Variants in CTPS1 observed in about 807,000 individuals in gnomAD.
The protein encoded by CTPS1 is CTP synthase 1, also known as CTP synthetase 1.
Under a neutral mutation model 80.5 loss-of-function variants are expected in CTPS1, and 25 were observed. That is an observed-to-expected ratio of 0.31 (90% CI 0.23 to 0.43). CTPS1 has a LOEUF of 0.43. CTPS1 is among the 20% of genes least tolerant of loss of function. The pLI is 1.00. For synonymous variants in CTPS1, 267 were observed against 252.5 expected, an observed-to-expected ratio of 1.06 and a Z score of -0.54; for missense variants, 442 against 725.7, an observed-to-expected ratio of 0.61 and a Z score of 4.49.
Position 40,995,963 on chromosome 1 carries a change from T to C in CTPS1, c.767T>C (p.Leu256Ser). 1 of 1,614,186 alleles carries C rather than the reference T, an allele frequency of 6.2e-7. No homozygotes were observed. The change falls in exon 8 of 19, where the codon TTG becomes TCG. Residue 256 changes from leucine to serine, a missense_variant. By Grantham distance (145) the Leu-to-Ser change is moderately radical. Around this residue, in one of 4 missense-constraint regions of CTPS1, gnomAD observed 321 missense variants for 467.2 expected, o/e 0.69. Transcript: ENST00000650070. ...TCATCCATCTACCGAGTCCCCTTGT[T>C]GTTAGAGGAGCAAGGGGTTGTAGAT... ...DVSSIYRVPL[L>S]LEEQGVVDYF...
intron 5 of CTPS1, among the ~76,000 whole-genome samples, chr1:40,989,960 C>T (rs1311404257): frequency 6.6e-6 from 1 of 152,092 alleles, no homozygotes; most frequent in African/African-American, 2.4e-5. Context: ...AGGACTGGCT[C>T]AGAAGTTCTA....
chr1:41,009,352 C>A, intron 16 of CTPS1, 93 bp from the exon 17 acceptor site: 1 of 1,246,794 alleles, frequency 8.0e-7, no homozygotes, highest in Non-Finnish European at 1.1e-6. Context: ...TATTTTAGGG[C>A]CTATGGAAAC....
At chr1:40,989,242 G>A (rs1385144503) in intron 5 of CTPS1, among the ~76,000 whole-genome samples, 3 of 152,332 alleles carry the variant, frequency 2.0e-5, no homozygotes, top group South Asian at 2.1e-4. Context: ...ACAGTTGGGC[G>A]TTAGCCTCCT....
At chr1:40,982,905 C>G (rs765957398) in intron 1 of CTPS1, among the ~76,000 whole-genome samples, 4 of 152,182 alleles carry the variant, frequency 2.6e-5, no homozygotes, top group African/African-American at 9.7e-5. Context: ...TAATGAGGCA[C>G]CTGCCTGGTA....
chr1:40,987,408 T>C lies in CTPS1; in HGVS notation c.374T>C (p.Val125Ala). ...PHITDAIQEW[V>A]MRQALIPVDE... The stretch of plus-strand genomic sequence containing the variant: ...ATCACAGATGCAATCCAGGAGTGGG[T>C]GATGAGACAGGCGTTAATACCTGTA... The change falls in exon 4 of 19, where the codon GTG becomes GCG. Residue 125 changes from valine to alanine, a missense_variant. Coordinates refer to ENST00000650070, the MANE Select transcript of CTPS1 (RefSeq NM_001905.4). 1 of 1,614,076 alleles carries C rather than the reference T, an allele frequency of 6.2e-7. No individual in the cohort carries two copies. Among genetic ancestry groups the C allele is most frequent in the Non-Finnish European group, 8.5e-7 (1 of 1,179,956 alleles).
At chr1:40,983,697 G>C (rs1477210418) in intron 2 of CTPS1, among the ~76,000 whole-genome samples, 1 of 149,496 alleles carries the variant, frequency 6.7e-6, no homozygotes, top group Non-Finnish European at 1.5e-5. Flanking sequence ...ATCATGGCTC[G>C]CTGCAGCTTC....
intron 3 of CTPS1, 44 bp from the exon 4 acceptor site, chr1:40,987,328 T>C: frequency 7.2e-7 from 1 of 1,397,730 alleles, no homozygotes; most frequent in Middle Eastern, 1.8e-4. Flanking sequence ...TCAATCAATG[T>C]AGATGGACAA....
At chr1:41,003,333 AG>A (rs1223212508) in intron 12 of CTPS1, among the ~76,000 whole-genome samples, 157 bp downstream of exon 12, 1 of 152,118 alleles carries the variant, frequency 6.6e-6, no homozygotes, top group Non-Finnish European at 1.5e-5. Flanking sequence ...TTGCCTCTTG[AG>A]GAACAGCACG....
chr1:40,981,987 A>G (rs764871191), intron 1 of CTPS1: 2 of 1,288,908 alleles, frequency 1.6e-6, no homozygotes, highest in Non-Finnish European at 2.0e-6. Flanking sequence ...TGTCCTGACC[A>G]TGCCAAAGTA....
At chr1:40,995,869 C>T (rs933145483) in intron 7 of CTPS1, 48 bp from the exon 8 acceptor site, 1 of 1,588,832 alleles carries the variant, frequency 6.3e-7, no homozygotes, top group African/African-American at 1.4e-5. Flanking sequence ...AGGCTGTAAG[C>T]CTGGTGAGTT....
In CTPS1 at chr1:41,007,812, T is replaced by G. The variant is rs1643072853; in HGVS notation, c.1393+267T>G. Among the ~76,000 whole-genome samples the G allele has an allele frequency of 6.6e-6, 1 of 152,198 alleles. No individual in the cohort carries two copies. ...ACAGAATGAGGCAGTGAGGTTACAT[T>G]CATCCTTATCGGTTACTTTCCTATT... On this transcript the variant is annotated intron_variant, in intron 14 of 18. Transcript: ENST00000650070. The surrounding 1 kb of genome is among the most constrained non-coding windows in gnomAD (Gnocchi z 4.4).
intron 10 of CTPS1, 32 bp from the exon 11 acceptor site, chr1:41,002,128 G>T: frequency 6.3e-7 from 1 of 1,599,462 alleles, no homozygotes; most frequent in Non-Finnish European, 8.6e-7. Context: ...TAGAAAAGGG[G>T]AATTGCCTTT....
Position 40,983,471 on chromosome 1 carries a change from T to C in CTPS1, c.166+15T>C, listed in dbSNP as rs982164330. On this transcript the variant is annotated intron_variant, in intron 2 of 18. Transcript: ENST00000650070. ...TTATGAGCATGGTAAGCACAGTGGA[T>C]TTCTTCATAATAATTGCATGTGGCA... The C allele has an allele frequency of 6.3e-7, 1 of 1,585,634 alleles. No homozygotes were observed. Among genetic ancestry groups the C allele is most frequent in the Non-Finnish European group, 8.6e-7 (1 of 1,161,650 alleles).
At chr1:40,988,940 G>A (rs1642527834) in intron 5 of CTPS1, among the ~76,000 whole-genome samples, 1 of 152,202 alleles carries the variant, frequency 6.6e-6, no homozygotes, top group Non-Finnish European at 1.5e-5. Context: ...GATTGGCCGT[G>A]TGCATTTGTC....
intron 16 of CTPS1, 128 bp from the exon 17 acceptor site, chr1:41,009,317 T>C: frequency 1.0e-6 from 1 of 988,378 alleles, no homozygotes; most frequent in Non-Finnish European, 1.5e-6. Context: ...TTATCTAGAT[T>C]CAAATGAGAA....
At chr1:40,988,567 A>G in intron 4 of CTPS1, 27 bp from the exon 5 acceptor site, 1 of 1,537,518 alleles carries the variant, frequency 6.5e-7, no homozygotes, top group Non-Finnish European at 9.0e-7. Context: ...TTAGTGCCTA[A>G]CCTCTGAAAC....
chr1:40,991,711 C>A, intron 6 of CTPS1, 54 bp from the exon 7 acceptor site: 1 of 1,274,184 alleles, frequency 7.8e-7, no homozygotes, highest in Non-Finnish European at 1.1e-6. Flanking sequence ...AGGAGAAACC[C>A]CTACTTCTGT....
chr1:40,990,016 A>G (rs1642560387), intron 5 of CTPS1, among the ~76,000 whole-genome samples: 1 of 152,192 alleles, frequency 6.6e-6, no homozygotes, highest in Non-Finnish European at 1.5e-5. Context: ...ACAGAAATGG[A>G]GGTATAATCT....
Position 41,011,127 on chromosome 1 carries a change from GT to G in CTPS1, c.*10-528del, listed in dbSNP as rs150914085. ...CCGGTCTGACCTGCTGATCCCAGCT[GT>G]TTCCCCTCCTGCCTTGGTTGGTTGA... is the stretch of plus-strand genomic sequence containing the variant. On this transcript the variant is annotated intron_variant, in intron 18 of 18. Transcript: ENST00000650070. 1.4e-4 allele frequency among the ~76,000 whole-genome samples: 21 copies of G among 152,346 alleles called. No individual in the cohort carries two copies. The East Asian group carries it at 4.1e-3, about 29-fold the overall frequency.
Sources: gnomAD v4.1 joint callset for allele counts (sites outside exome capture counted in the v4.1 genomes callset) on GRCh38, gnomAD v4.1.1 for gene constraint, gnomAD v4.1.1 regional missense constraint, Gnocchi (gnomAD v3.1) non-coding constraint, MANE v1.5 for transcripts, NCBI Gene and HGNC (gene_info 2026-07-23, HGNC 2026-07-21) for gene names.